Variants in LEPR observed in about 807,000 individuals in gnomAD.
The protein encoded by LEPR is OB receptor.
A neutral mutation model predicts 114.7 loss-of-function variants in LEPR; 56 were observed. That is an observed-to-expected ratio of 0.49 (90% CI 0.39 to 0.61). The LOEUF (loss-of-function observed/expected upper bound fraction) is 0.61, where lower values mean the gene tolerates loss of function less well. Ranked by LOEUF, LEPR falls within the 20% of genes least tolerant of loss-of-function variation. The probability of loss-of-function intolerance (pLI) is 0.00; values close to 1 mark genes in which losing one functional copy is unlikely to be tolerated. For synonymous variants in LEPR, 443 were observed against 461.4 expected (o/e 0.96, Z 0.51); for missense variants, 1,202 against 1,352.9 (o/e 0.89, Z 1.75).
At chr1:65,563,369 T>C (rs1352545400) in intron 2 of LEPR, among the ~76,000 whole-genome samples, 31 of 64,520 alleles carry the variant, frequency 4.8e-4, no homozygotes, top group African/African-American at 1.8e-3. Flanking sequence ...TTCTGCATTC[T>C]TCACGTAGTT....
At chr1:65,427,484 A>G (rs956099777) in intron 2 of LEPR, among the ~76,000 whole-genome samples, 14 of 152,158 alleles carry the variant, frequency 9.2e-5, no homozygotes, top group Admixed American at 3.9e-4. Flanking sequence ...GGTTGAGCCC[A>G]GGGGTTGGAG....
chr1:65,453,121 T>C (rs1305716349), intron 2 of LEPR, among the ~76,000 whole-genome samples: 2 of 152,354 alleles, frequency 1.3e-5, no homozygotes, highest in East Asian at 3.9e-4. Flanking sequence ...GGATTGGTGG[T>C]GATATCCCCT....
chr1:65,618,287 C>CCTG, intron 16 of LEPR, 141 bp downstream of exon 16: 1 of 629,136 alleles, frequency 1.6e-6, no homozygotes, highest in South Asian at 2.9e-5. Context: ...ATCCTATAAC[C>CCTG]TTTATCAAAA....
At chr1:65,425,607 G>A (rs1055085677) in intron 2 of LEPR, among the ~76,000 whole-genome samples, 6 of 150,678 alleles carry the variant, frequency 4.0e-5, no homozygotes. Flanking sequence ...CTCTGGACTA[G>A]CTGGGGACAC....
intron 2 of LEPR, among the ~76,000 whole-genome samples, chr1:65,439,237 C>T (rs1400156574): frequency 6.6e-6 from 1 of 152,094 alleles, no homozygotes; most frequent in Non-Finnish European, 1.5e-5. Flanking sequence ...CAGTAAAAAT[C>T]CCGGTAAGAT....
chr1:65,577,865 T>A (rs1654701672), intron 5 of LEPR: 1 of 150,830 alleles, frequency 6.6e-6, no homozygotes, highest in Non-Finnish European at 1.5e-5. Context: ...AAAGTGCAGG[T>A]TTGTTACATA....
chr1:65,498,335 G>T (rs1648267610), intron 2 of LEPR, among the ~76,000 whole-genome samples: 1 of 152,052 alleles, frequency 6.6e-6, no homozygotes, highest in African/African-American at 2.4e-5. Flanking sequence ...AACTGCTGAG[G>T]GCTTTCCCCC....
chr1:65,611,372 C>T (rs181484330), intron 14 of LEPR, among the ~76,000 whole-genome samples: 57 of 152,260 alleles, frequency 3.7e-4, no homozygotes, highest in African/African-American at 1.1e-3. Flanking sequence ...GAACCCACCG[C>T]GGAAGGGGGC....
intron 2 of LEPR, among the ~76,000 whole-genome samples, chr1:65,510,926 C>G (rs1272449013): frequency 6.6e-6 from 1 of 152,120 alleles, no homozygotes; most frequent in Non-Finnish European, 1.5e-5. Flanking sequence ...CTGTGAAATT[C>G]ATCTCTGAGG....
At chr1:65,494,632 T>G (rs1452583223) in intron 2 of LEPR, among the ~76,000 whole-genome samples, 1 of 152,150 alleles carries the variant, frequency 6.6e-6, no homozygotes, top group Non-Finnish European at 1.5e-5. Flanking sequence ...ACAGAAAAAT[T>G]TAAATTGGAC....
At position 65,447,534 on chromosome 1, in the gene LEPR, C is replaced by CTT. The variant is rs576747673; in HGVS notation, c.-21+22170_-21+22171dup. ...TAAATGGTATTGTGATTTTTCTTTT[C>CTT]TTTTTTTTTTTTTTTGATACAGGGT... On this transcript the variant is annotated intron_variant, in intron 2 of 19. Transcript: ENST00000349533. Among the ~76,000 whole-genome samples the CTT allele has an allele frequency of 2.1e-3, 279 of 135,614 alleles. 1 individual carries two copies. The highest frequency in any genetic ancestry group is 6.4e-3 in the African/African-American group (238 of 37,430). The allele number at this position is 135,614 out of a possible 152,430, so 89.0% of individuals were successfully genotyped here. A position where few individuals can be genotyped will look rare whatever the true frequency, so the allele number is the denominator to read the frequency against.
chr1:65,451,403 G>C (rs986985263), intron 2 of LEPR, among the ~76,000 whole-genome samples: 1 of 151,826 alleles, frequency 6.6e-6, no homozygotes, highest in Admixed American at 6.6e-5. Context: ...GGGTTTTTAT[G>C]GTTTTAGGTC....
intron 2 of LEPR, among the ~76,000 whole-genome samples, chr1:65,483,816 A>T (rs1647337511): frequency 6.6e-6 from 1 of 151,930 alleles, no homozygotes; most frequent in African/African-American, 2.4e-5. Context: ...TTTTAAGATG[A>T]TTTCTCTGAT....
At chr1:65,565,507 T>A in intron 2 of LEPR, 39 bp from the exon 3 acceptor site, 1 of 1,605,722 alleles carries the variant, frequency 6.2e-7, no homozygotes, top group South Asian at 1.1e-5. Context: ...TGTGTTTTTG[T>A]TTTTGTGTGT....
chr1:65,549,616 G>C (rs1036356152), intron 2 of LEPR, among the ~76,000 whole-genome samples: 2 of 152,070 alleles, frequency 1.3e-5, no homozygotes, highest in African/African-American at 4.8e-5. Context: ...GGCTCCTGAG[G>C]CTTCTGCATT....
intron 2 of LEPR, among the ~76,000 whole-genome samples, chr1:65,555,342 A>C (rs575611794): frequency 6.6e-6 from 1 of 152,238 alleles, no homozygotes; most frequent in Non-Finnish European, 1.5e-5. Flanking sequence ...TGAGACCCAC[A>C]TATCACCTGG....
intron 2 of LEPR, among the ~76,000 whole-genome samples, chr1:65,470,208 C>T (rs942687069): frequency 1.3e-5 from 2 of 152,200 alleles, no homozygotes; most frequent in African/African-American, 4.8e-5. Flanking sequence ...CCAATGTTGA[C>T]ATTTTAATAG....
intron 5 of LEPR, among the ~76,000 whole-genome samples, chr1:65,583,954 G>A (rs554842911): frequency 8.0e-4 from 121 of 152,178 alleles, no homozygotes; most frequent in African/African-American, 2.8e-3. Context: ...TGCATTTTTT[G>A]TAAACAAAAA....
At position 65,488,353 on chromosome 1, in the gene LEPR, A is replaced by T. The variant is rs568373706; in HGVS notation, c.-21+62975A>T. Among the ~76,000 whole-genome samples, 40 of 129,106 alleles carry T rather than the reference A, an allele frequency of 3.1e-4. No homozygotes were observed. In the South Asian group the frequency reaches 7.7e-3, roughly 25 times the overall value. The allele number at this position is 129,106 out of a possible 152,430, so 84.7% of individuals were successfully genotyped here. On this transcript the variant is annotated intron_variant, in intron 2 of 19. Coordinates refer to ENST00000349533, the MANE Select transcript of LEPR (RefSeq NM_002303.6). ...TCTTCTTCTTCTTTTTTTTAACAGG[A>T]TCTCATTCCATCACCCTGGCTGGAG...
Sources: allele counts gnomAD v4.1 joint callset (sites outside exome capture counted in the v4.1 genomes callset), GRCh38; gene constraint gnomAD v4.1.1; transcripts MANE v1.5; gene names NCBI Gene and HGNC (gene_info 2026-07-23, HGNC 2026-07-21).